OCA2: variants seen among roughly 807,000 people sequenced by gnomAD.
The protein encoded by OCA2 is P protein.
OCA2 carries 77 observed loss-of-function variants against 100.2 expected under a neutral mutation model. The observed-to-expected ratio is 0.77, with a 90% confidence interval of 0.64 to 0.93. The LOEUF (loss-of-function observed/expected upper bound fraction) is 0.93, where lower values mean the gene tolerates loss of function less well. Ranked by LOEUF, OCA2 falls within the 40% of genes least tolerant of loss-of-function variation. The pLI is 0.00. For missense variants in OCA2, 1,062 were observed against 1,089.1 expected (o/e 0.98, Z 0.35); for synonymous variants, 432 against 439.2 (o/e 0.98, Z 0.21).
At chr15:28,076,853 CA>C (rs575299612) in intron 2 of OCA2, among the ~76,000 whole-genome samples, 1,000 of 60,716 alleles carry the variant, frequency 0.016, 8 homozygotes, top group African/African-American at 0.041. Flanking sequence ...GACTCCGTCT[CA>C]AAAAAAAAAA....
rs2034789468 is a variant in OCA2 at position 27,827,749 on chromosome 15, G to GACA, written c.2432+17209_2432+17210insTGT. ...AAGATTGTGAGAGCTGAATATAGAC[G>GACA]TATTTAAAATAAGCATAATCATACT... is the stretch of plus-strand genomic sequence containing the variant. On this transcript the variant is annotated intron_variant, in intron 23 of 23. Coordinates refer to ENST00000354638, the MANE Select transcript of OCA2 (RefSeq NM_000275.3). 2.6e-5 allele frequency among the ~76,000 whole-genome samples: 4 copies of GACA among 152,012 alleles called. No individual in the cohort carries two copies. In the East Asian group the frequency reaches 7.7e-4, roughly 29 times the overall value.
At chr15:27,742,470 C>T in the OCA2 span, among the ~76,000 whole-genome samples, 74 of 152,208 alleles carry the variant, frequency 4.9e-4, no homozygotes, top group African/African-American at 1.5e-3. Context: ...CAATCACCTC[C>T]CACCCCAAGA....
At chr15:27,741,400 T>C in the OCA2 span, among the ~76,000 whole-genome samples, 4 of 152,092 alleles carry the variant, frequency 2.6e-5, no homozygotes, top group African/African-American at 4.8e-5. Flanking sequence ...TTCTCTTTCA[T>C]AGGGAGGGGT....
the OCA2 span, among the ~76,000 whole-genome samples, chr15:27,747,290 C>T: frequency 3.9e-5 from 6 of 152,184 alleles, no homozygotes; most frequent in African/African-American, 1.2e-4. Flanking sequence ...TACAGCACAA[C>T]AAATGTCCTG....
intron 23 of OCA2, chr15:27,775,535 C>A (rs2032159781): frequency 6.6e-6 from 1 of 152,514 alleles, no homozygotes; most frequent in Non-Finnish European, 1.5e-5. Flanking sequence ...TGCAGGTGGA[C>A]CCCTGTGAGG....
intron 19 of OCA2, among the ~76,000 whole-genome samples, chr15:27,891,402 CAG>C (rs2151596824): frequency 1.3e-5 from 2 of 152,262 alleles, no homozygotes; most frequent in African/African-American, 4.8e-5. Context: ...GTACTGGAAA[CAG>C]AGGAAATAAA....
intron 19 of OCA2, among the ~76,000 whole-genome samples, chr15:27,881,211 G>A (rs111257059): frequency 0.017 from 2,551 of 152,212 alleles, 67 homozygotes; most frequent in African/African-American, 0.054. Context: ...GGACGAAGCC[G>A]ACTTGATCGT....
intron 1 of OCA2, among the ~76,000 whole-genome samples, chr15:28,087,516 C>CA (rs925323645): frequency 1.3e-5 from 2 of 152,134 alleles, no homozygotes; most frequent in Admixed American, 6.6e-5. Context: ...GAAGCCAAGG[C>CA]AGGCAGATTC....
At chr15:27,832,140 T>C (rs1470298125) in intron 23 of OCA2, among the ~76,000 whole-genome samples, 3 of 152,176 alleles carry the variant, frequency 2.0e-5, no homozygotes, top group Admixed American at 2.0e-4. Context: ...ATTTCTCCTC[T>C]AAACTGCGCC....
chr15:27,755,515 A>C, intron 23 of OCA2, 43 bp from the exon 24 acceptor site: 1 of 1,496,934 alleles, frequency 6.7e-7, no homozygotes, highest in Non-Finnish European at 9.3e-7. Flanking sequence ...TGAAATCTGG[A>C]TAATCTCATG....
intron 23 of OCA2, among the ~76,000 whole-genome samples, chr15:27,805,258 C>T (rs1465057362): frequency 2.0e-5 from 3 of 152,230 alleles, no homozygotes; most frequent in Admixed American, 6.5e-5. Flanking sequence ...GCAGAGCCGC[C>T]GTCTTTACAT....
At chr15:27,870,287 T>C (rs1235286246) in intron 21 of OCA2, among the ~76,000 whole-genome samples, 1 of 152,232 alleles carries the variant, frequency 6.6e-6, no homozygotes, top group African/African-American at 2.4e-5. Context: ...CTGTCCTGTG[T>C]CCTGCCATGG....
At chr15:27,870,802 AAGAAAGAAAGAG>A (rs1026762007) in intron 21 of OCA2, among the ~76,000 whole-genome samples, 1 of 120,892 alleles carries the variant, frequency 8.3e-6, no homozygotes, top group Non-Finnish European at 1.6e-5. Context: ...GAAAGAAAGA[AAGAAAGAAAGAG>A]AGAGAGAAAG....
chr15:28,071,858 G>A (rs1273326977), intron 2 of OCA2, among the ~76,000 whole-genome samples: 3 of 152,126 alleles, frequency 2.0e-5, no homozygotes, highest in African/African-American at 7.2e-5. Context: ...CATCAGCCTT[G>A]GCAAATAATT....
intron 23 of OCA2, among the ~76,000 whole-genome samples, chr15:27,810,956 A>G (rs762698531): frequency 5.3e-5 from 8 of 152,234 alleles, no homozygotes; most frequent in Non-Finnish European, 1.2e-4. Context: ...ATGGAAAACT[A>G]TATAGGGATT....
rs1365970300 is a variant in OCA2, at chr15:27,760,528, A to AT, written c.2433-5057dup. On this transcript the variant is annotated intron_variant, in intron 23 of 23. Transcript: ENST00000354638. Reference sequence around the variant, plus strand: ...GAGAAAAACCAATGAAACAAAGCTGATTTTTTAAAAAAGATCAATAAAATT... The same window carrying AT: ...GAGAAAAACCAATGAAACAAAGCTGATTTTTTTAAAAAAGATCAATAAAATT... Among the ~76,000 whole-genome samples the AT allele has an allele frequency of 2.0e-5, 3 of 151,928 alleles. 1 individual carries two copies. The highest frequency in any genetic ancestry group is 6.6e-5 in the Admixed American group (1 of 15,258).
intron 15 of OCA2, among the ~76,000 whole-genome samples, chr15:27,963,971 T>C (rs550872761): frequency 6.6e-6 from 1 of 152,152 alleles, no homozygotes; most frequent in Non-Finnish European, 1.5e-5. Flanking sequence ...TTATGAACAA[T>C]TTTATAACAA....
intron 19 of OCA2, among the ~76,000 whole-genome samples, chr15:27,900,655 T>C (rs903638820): frequency 1.3e-5 from 2 of 152,214 alleles, no homozygotes; most frequent in Non-Finnish European, 2.9e-5. Flanking sequence ...CCACATGTCT[T>C]GTGACCATCA....
chr15:27,911,517 C>T (rs1291284720), intron 19 of OCA2, among the ~76,000 whole-genome samples: 2 of 152,178 alleles, frequency 1.3e-5, no homozygotes, highest in Admixed American at 1.3e-4. Context: ...CTGACGAGGA[C>T]CTCCGGCTGC....
Sources: gnomAD v4.1 joint callset for allele counts (sites outside exome capture counted in the v4.1 genomes callset) on GRCh38, gnomAD v4.1.1 for gene constraint, MANE v1.5 for transcripts, NCBI Gene and HGNC (gene_info 2026-07-23, HGNC 2026-07-21) for gene names.